The following CCDC117 variants were observed in gnomAD, a reference collection of about 807,000 sequenced individuals.
The protein encoded by CCDC117 is coiled-coil domain containing 117, also known as coiled-coil domain-containing protein 117.
CCDC117 carries 1 observed loss-of-function variant against 23.5 expected under a neutral mutation model. The observed-to-expected ratio is 0.04, with a 90% CI of 0.02 to 0.20. CCDC117 has a LOEUF of 0.20. Ranked by LOEUF, CCDC117 falls within the 10% of genes least tolerant of loss-of-function variation. The pLI, the probability that CCDC117 is intolerant of heterozygous loss-of-function variation, is 1.00. For synonymous variants in CCDC117, 132 were observed against 124.8 expected, an observed-to-expected ratio of 1.06 and a Z score of -0.39; for missense variants, 383 against 348.2, an observed-to-expected ratio of 1.10 and a Z score of -0.80.
At chr22:28,777,937 G>C (rs1259079665) in intron 2 of CCDC117, among the ~76,000 whole-genome samples, 3 of 150,720 alleles carry the variant, frequency 2.0e-5, no homozygotes, top group Non-Finnish European at 4.4e-5. Flanking sequence ...TGCAACCTCT[G>C]CTTCCTGGGT....
intron 3 of CCDC117, among the ~76,000 whole-genome samples, chr22:28,782,058 C>T (rs1033808399): frequency 6.6e-6 from 1 of 150,606 alleles, no homozygotes; most frequent in Non-Finnish European, 1.5e-5. Flanking sequence ...CCCCCTCAGC[C>T]TCCCAAGTGG....
intron 3 of CCDC117, among the ~76,000 whole-genome samples, chr22:28,783,011 GT>G (rs1468444314): frequency 6.6e-6 from 1 of 151,714 alleles, no homozygotes; most frequent in Non-Finnish European, 1.5e-5. Flanking sequence ...AAACTTTTTC[GT>G]TAAATGAAAT....
At chr22:28,784,765 G>GT (rs1011105428) in intron 4 of CCDC117, among the ~76,000 whole-genome samples, 24 of 151,738 alleles carry the variant, frequency 1.6e-4, no homozygotes, top group African/African-American at 3.4e-4. Flanking sequence ...AGGGTATCTC[G>GT]TTTTTTTTGT....
intron 2 of CCDC117, among the ~76,000 whole-genome samples, chr22:28,779,298 G>C (rs547619457): frequency 2.0e-5 from 3 of 152,124 alleles, no homozygotes; most frequent in South Asian, 4.2e-4. Flanking sequence ...CCCCTCCTGG[G>C]TTCAAGCGAT....
chr22:28,782,250 CTTTT>C (rs34670753), intron 3 of CCDC117, among the ~76,000 whole-genome samples: 4 of 80,320 alleles, frequency 5.0e-5, no homozygotes, highest in African/African-American at 1.8e-4. Context: ...TCTACTGAGC[CTTTT>C]TTTTTTTTTT....
rs2031322029 is a variant in CCDC117, at chr22:28,781,342, T to TTTTTG, written c.464+174_464+175insGTTTT. The stretch of plus-strand genomic sequence containing the variant: ...TTTTTGTTTTTTTGTTTTGTTTTTT[T>TTTTTG]TTTTTTTTTTTTTTTTTTTTTTTTT... On this transcript the variant is annotated intron_variant, in intron 3 of 4. Coordinates refer to ENST00000249064, the MANE Select transcript of CCDC117 (RefSeq NM_173510.4). 3.5e-4 allele frequency among the ~76,000 whole-genome samples: 2 copies of TTTTTG among 5,778 alleles called. 1 individual carries two copies. Among genetic ancestry groups the TTTTTG allele is most frequent in the Non-Finnish European group, 5.4e-4 (2 of 3,726 alleles). 3.8% of individuals were successfully genotyped at this position (5,778 alleles called of 152,430 possible).
intron 4 of CCDC117, among the ~76,000 whole-genome samples, chr22:28,784,704 C>T (rs947868034): frequency 4.6e-5 from 7 of 152,178 alleles, no homozygotes; most frequent in Admixed American, 2.6e-4. Flanking sequence ...GCCCTCCAGC[C>T]TAAAATATAG....
At chr22:28,783,365 A>AAC (rs2031412481) in intron 3 of CCDC117, 143 bp from the exon 4 acceptor site, 4 of 701,632 alleles carry the variant, frequency 5.7e-6, no homozygotes, top group African/African-American at 3.6e-5. Context: ...ATACTCAGGT[A>AAC]TAGCCTCATT....
intron 2 of CCDC117, among the ~76,000 whole-genome samples, chr22:28,777,891 C>A (rs1311951135): frequency 6.7e-6 from 1 of 150,300 alleles, no homozygotes. Context: ...CGCTCTGTTG[C>A]CCAGGTTGCA....
intron 3 of CCDC117, among the ~76,000 whole-genome samples, chr22:28,782,729 AC>A (rs1304198546): frequency 6.6e-6 from 1 of 152,002 alleles, no homozygotes; most frequent in African/African-American, 2.4e-5. Context: ...GAGCCATTGC[AC>A]CCGGCCTTTT....
At chr22:28,775,394 T>C (rs1437489473) in intron 2 of CCDC117, among the ~76,000 whole-genome samples, 1 of 152,250 alleles carries the variant, frequency 6.6e-6, no homozygotes, top group Non-Finnish European at 1.5e-5. Flanking sequence ...ACCATTCTTT[T>C]GAAGTTCTTT....
chr22:28,779,077 C>G (rs983090490), intron 2 of CCDC117, among the ~76,000 whole-genome samples: 4 of 152,066 alleles, frequency 2.6e-5, no homozygotes, highest in African/African-American at 7.2e-5. Flanking sequence ...GATCTCCTCC[C>G]TCAGCCTCCC....
chr22:28,780,831 A>T, intron 2 of CCDC117, 117 bp from the exon 3 acceptor site: 1 of 694,796 alleles, frequency 1.4e-6, no homozygotes. Context: ...TCTTGTTACT[A>T]CACACTTGTC....
rs1199299837 is a variant in CCDC117 at position 28,788,146 on chromosome 22, C to T, written c.*1820C>T. The T allele has an allele frequency of 6.6e-6, 1 of 152,598 alleles. No individual in the cohort carries two copies. Among genetic ancestry groups the T allele is most frequent in the African/African-American group, 2.4e-5 (1 of 41,436 alleles). 9.5% of individuals were successfully genotyped at this position (152,598 alleles called of 1,614,324 possible). A position where few individuals can be genotyped will look rare whatever the true frequency, so the allele number is the denominator to read the frequency against. ...AACCAGTATTGAAAGCAGTTGGAAA[C>T]CAGCTAATAGTTTCTTAATCTCAGA... On this transcript the variant is annotated 3_prime_UTR_variant, in exon 5 of 5. Coordinates refer to ENST00000249064, the MANE Select transcript of CCDC117 (RefSeq NM_173510.4).
At chr22:28,784,428 G>C (rs1447233970) in intron 4 of CCDC117, among the ~76,000 whole-genome samples, 1 of 152,246 alleles carries the variant, frequency 6.6e-6, no homozygotes, top group Non-Finnish European at 1.5e-5. Flanking sequence ...TAGTTATAAA[G>C]TGCCTAGGAA....
At chr22:28,785,394 C>T (rs1355791298) in intron 4 of CCDC117, among the ~76,000 whole-genome samples, 1 of 151,814 alleles carries the variant, frequency 6.6e-6, no homozygotes. Context: ...CACCACATTG[C>T]CCGGGCTGGT....
chr22:28,786,161 C>G lies in CCDC117; in HGVS notation c.675C>G (p.Ser225=). The G allele has an allele frequency of 6.2e-7, 1 of 1,614,134 alleles. No homozygotes were observed. Residue 225 remains serine (S), a synonymous_variant, in exon 5 of 5, where the codon TCC becomes TCG. Coordinates refer to ENST00000249064, the MANE Select transcript of CCDC117 (RefSeq NM_173510.4). ...TCCTTTCTGATAAGCCAAAGCCATC[C>G]TCTAATACTAAGAACTATACAGGAG... ...PELLSDKPKP[S]SNTKNYTGES... is the part of the protein sequence containing the mutation.
intron 2 of CCDC117, among the ~76,000 whole-genome samples, chr22:28,778,012 A>AT (rs2031220692): frequency 6.6e-6 from 1 of 151,220 alleles, no homozygotes; most frequent in East Asian, 2.0e-4. Context: ...CGCCCGGCAA[A>AT]TTTTTTGCAT....
intron 2 of CCDC117, among the ~76,000 whole-genome samples, chr22:28,777,877 T>C (rs999690864): frequency 2.0e-5 from 3 of 151,372 alleles, no homozygotes; most frequent in African/African-American, 7.3e-5. Context: ...TTGAGATGTA[T>C]CCTCGCTCTG....
Sources: gnomAD v4.1 joint callset for allele counts (sites outside exome capture counted in the v4.1 genomes callset) on GRCh38, gnomAD v4.1.1 for gene constraint, MANE v1.5 for transcripts, NCBI Gene and HGNC (gene_info 2026-07-23, HGNC 2026-07-21) for gene names.